The following LIMCH1 variants were observed in gnomAD, a reference collection of about 807,000 sequenced individuals.
LIMCH1 encodes the protein LIM and calponin homology domains 1.
Under a neutral mutation model 176.5 loss-of-function variants are expected in LIMCH1, and 113 were observed. That is an observed-to-expected ratio of 0.64 (90% CI 0.55 to 0.75). The LOEUF (loss-of-function observed/expected upper bound fraction) is 0.75. Among genes scored for constraint, LIMCH1 ranks in the 30% least tolerant of loss-of-function variants. The probability of loss-of-function intolerance (pLI) is 0.00; values close to 1 mark genes in which losing one functional copy is unlikely to be tolerated. For missense variants in LIMCH1, 1,674 were observed against 1,814.9 expected, an observed-to-expected ratio of 0.92 and a Z score of 1.41; for synonymous variants, 619 against 645.9, an observed-to-expected ratio of 0.96 and a Z score of 0.63.
At chr4:41,613,324 G>A (rs2091687674) in intron 4 of LIMCH1, 142 bp from the exon 5 acceptor site, 1 of 802,180 alleles carries the variant, frequency 1.2e-6, no homozygotes, top group Admixed American at 2.8e-5. Flanking sequence ...TTTCAAAGAT[G>A]ATTGATCCTG....
In LIMCH1 at chr4:41,612,851, C is replaced by CTT. The variant is rs61338165; in HGVS notation, c.10-597_10-596dup. ...GTTTTGCATATTTTTCATTGCCTTT[C>CTT]TTTTTTTTTTTTTTTTTTTAACTTT... On this transcript the variant is annotated intron_variant, in intron 4 of 31. Transcript: ENST00000503057. 3.9e-3 allele frequency: 4,154 copies of CTT among 1,070,976 alleles called. 68 individuals are homozygous for CTT. In the African/African-American group the frequency reaches 0.05, roughly 13 times the overall value. 66.3% of individuals were successfully genotyped at this position (1,070,976 alleles called of 1,614,324 possible).
chr4:41,461,269 G>A (rs754749288), intron 1 of LIMCH1, among the ~76,000 whole-genome samples: 1 of 152,212 alleles, frequency 6.6e-6, no homozygotes, highest in Non-Finnish European at 1.5e-5. Context: ...ATAGGCTGCA[G>A]TCTGGCTGCA....
chr4:41,599,128 C>T (rs1299416421), intron 2 of LIMCH1, 102 bp downstream of exon 2: 1 of 658,946 alleles, frequency 1.5e-6, no homozygotes, highest in African/African-American at 1.8e-5. Flanking sequence ...ATTGGTTATG[C>T]TTAATAAAAT....
intron 2 of LIMCH1, among the ~76,000 whole-genome samples, chr4:41,517,345 C>T (rs778455238): frequency 1.3e-5 from 2 of 152,162 alleles, no homozygotes; most frequent in African/African-American, 4.8e-5. Context: ...GTGCCCGAGA[C>T]AGCAGGAAGA....
rs148775573 is a variant in LIMCH1 at position 41,475,766 on chromosome 4, G to A, written c.97-18770G>A. On this transcript the variant is annotated intron_variant, in intron 1 of 26. Coordinates refer to the LIMCH1 transcript ENST00000313860. ...ATTAGGACAAATACCTAGTGCATGC[G>A]GAGCTTAAAAACTAGATGACTGGTT... 5.2e-3 allele frequency among the ~76,000 whole-genome samples: 794 copies of A among 152,184 alleles called. 4 individuals carry two copies. The highest frequency in any genetic ancestry group is 0.018 in the African/African-American group (740 of 41,504).
chr4:41,615,527 C>T (rs2091963926), intron 5 of LIMCH1, among the ~76,000 whole-genome samples: 1 of 152,104 alleles, frequency 6.6e-6, no homozygotes, highest in African/African-American at 2.4e-5. Flanking sequence ...CCAATCAACC[C>T]GATACCTTAA....
At chr4:41,553,210 C>T (rs1232851843) in intron 1 of LIMCH1, among the ~76,000 whole-genome samples, 2 of 152,166 alleles carry the variant, frequency 1.3e-5, no homozygotes, top group African/African-American at 4.8e-5. Flanking sequence ...AGCCACTGTG[C>T]ATTCGGGGTT....
At chr4:41,671,700 C>T (rs1276340385) in intron 22 of LIMCH1, 106 bp downstream of exon 22, 16 of 827,642 alleles carry the variant, frequency 1.9e-5, no homozygotes, top group Admixed American at 8.0e-5. Flanking sequence ...CGGTGGCTCA[C>T]GCCTGTAATC....
chr4:41,554,155 C>A (rs1173835836), intron 1 of LIMCH1, among the ~76,000 whole-genome samples: 1 of 152,190 alleles, frequency 6.6e-6, no homozygotes, highest in Non-Finnish European at 1.5e-5. Context: ...GGAAAAGGAA[C>A]TATTTTGCTT....
At chr4:41,591,537 C>T (rs1309776104) in intron 1 of LIMCH1, among the ~76,000 whole-genome samples, 1 of 152,132 alleles carries the variant, frequency 6.6e-6, no homozygotes, top group Non-Finnish European at 1.5e-5. Context: ...ACCCACTGCA[C>T]CTGGGCCTTA....
chr4:41,386,442 G>A (rs1213368935), intron 1 of LIMCH1, among the ~76,000 whole-genome samples: 1 of 152,184 alleles, frequency 6.6e-6, no homozygotes. Context: ...GAATACATGA[G>A]TTAATATGTA....
chr4:41,473,294 C>G, intron 1 of LIMCH1: 1 of 549,386 alleles, frequency 1.8e-6, no homozygotes, highest in African/African-American at 2.0e-5. Flanking sequence ...CTGGTCCCAT[C>G]ACTACCAACG....
rs762201051 is a variant in LIMCH1 at position 41,661,430 on chromosome 4, A to G, written c.3047A>G (p.Glu1016Gly). ...AAATCTCTTTTTCAGGCAACCACTGAGAAAACGGAACCGAATAGTCAAGAG... is the reference window on the plus strand; with the variant it reads ...AAATCTCTTTTTCAGGCAACCACTGGGAAAACGGAACCGAATAGTCAAGAG... ...SVPQELAATT[E>G]KTEPNSQEDK... The change falls in exon 19 of 32, where the codon GAG (glutamate) becomes GGG (glycine). Residue 1016 changes from glutamate to glycine, a missense_variant. Around this residue, in one of 3 missense-constraint regions of LIMCH1, gnomAD observed 1,015 missense variants for 1,102.5 expected, o/e 0.92. Transcript: ENST00000503057. 1.9e-6 allele frequency: 3 copies of G among 1,611,140 alleles called. No individual in the cohort carries two copies. The highest frequency in any genetic ancestry group is 8.5e-7 in the Non-Finnish European group (1 of 1,178,286).
intron 21 of LIMCH1, among the ~76,000 whole-genome samples, chr4:41,669,388 G>A (rs371993315): frequency 1.4e-4 from 21 of 152,230 alleles, no homozygotes; most frequent in South Asian, 4.2e-4. Flanking sequence ...AACTACTCTC[G>A]AATCCTTTCT....
rs368587151 is a variant in LIMCH1, at chr4:41,419,182, A to T, written c.96+58246A>T. ...TATTTTATTTCATTTTATTTTATTT[A>T]ATTTTATTATTTTGAGACGGAGTCT... On this transcript the variant is annotated intron_variant, in intron 1 of 26. Transcript: ENST00000313860. Among the ~76,000 whole-genome samples the T allele has an allele frequency of 4.9e-3, 386 of 78,620 alleles. 6 individuals are homozygous for T. The highest frequency in any genetic ancestry group is 0.026 in the African/African-American group (329 of 12,794). 51.6% of individuals were successfully genotyped at this position (78,620 alleles called of 152,430 possible). A position where few individuals can be genotyped will look rare whatever the true frequency, so the allele number is the denominator to read the frequency against.
intron 2 of LIMCH1, among the ~76,000 whole-genome samples, chr4:41,505,778 G>A (rs982647189): frequency 2.6e-5 from 4 of 152,080 alleles, no homozygotes; most frequent in Non-Finnish European, 4.4e-5. Context: ...TTGGACACTG[G>A]TGTAGCAAAT....
chr4:41,593,139 A>G (rs1265293791), intron 1 of LIMCH1, among the ~76,000 whole-genome samples: 1 of 152,192 alleles, frequency 6.6e-6, no homozygotes, highest in Non-Finnish European at 1.5e-5. Flanking sequence ...TTAGAGTAAG[A>G]GGCCCTGGGA....
Position 41,661,503 on chromosome 4 carries a change from C to G in LIMCH1, c.3120C>G (p.Ala1040=). The change falls in exon 19 of 32, where the codon GCC becomes GCG. Residue 1040 remains alanine, a synonymous_variant. Transcript: ENST00000503057. ...GKSRKGNIEL[A]SSEPQHFTTT... ...CAAGAAAAGGGAATATAGAACTTGC[C>G]TCATCAGGTTTGTTTCATAAGAGAC... 6.2e-7 allele frequency: 1 copy of G among 1,604,310 alleles called. No individual in the cohort carries two copies.
chr4:41,620,516 C>T lies in LIMCH1; in HGVS notation c.551C>T (p.Ser184Phe), dbSNP rs1302217874. Residue 184 changes from serine (S) to phenylalanine (F), a missense_variant, in exon 7 of 32, where the codon TCC becomes TTC. This residue lies in a region of LIMCH1 where 655 missense variants were observed against 692.2 expected (regional missense o/e 0.95). Coordinates refer to ENST00000503057, the MANE Select transcript of LIMCH1 (RefSeq NM_001330672.2). ...CAAATGAATCCTGGTTGGAAGCCTT[C>T]CGATGGTGGGTGTGAATTACCTGAC... ...AGQMNPGWKP[S>F]DGGCELPDGS... is the part of the protein sequence containing the mutation. The T allele has an allele frequency of 5.2e-6, 8 of 1,536,274 alleles. No homozygotes were observed. Among genetic ancestry groups the T allele is most frequent in the Non-Finnish European group, 6.1e-6 (7 of 1,146,976 alleles).
Sources: gnomAD v4.1 joint callset for allele counts (sites outside exome capture counted in the v4.1 genomes callset) on GRCh38, gnomAD v4.1.1 for gene constraint, gnomAD v4.1.1 regional missense constraint, MANE v1.5 for transcripts, NCBI Gene and HGNC (gene_info 2026-07-23, HGNC 2026-07-21) for gene names.